RNF152: variants seen among roughly 807,000 people sequenced by gnomAD.
RNF152 encodes the protein E3 ubiquitin-protein ligase RNF152.
A neutral mutation model predicts 12.7 loss-of-function variants in RNF152; 11 were observed. The ratio of observed to expected loss-of-function variants is 0.86; its 90% CI spans 0.54 to 1.43. The LOEUF (loss-of-function observed/expected upper bound fraction) is 1.43, where lower values mean the gene tolerates loss of function less well. Ranked by LOEUF, RNF152 falls within the 40% of genes most tolerant of loss-of-function variation. RNF152 has a pLI of 0.00. For missense variants in RNF152, 255 were observed against 274.8 expected (o/e 0.93, Z 0.51); for synonymous variants, 113 against 120.3 (o/e 0.94, Z 0.40).
chr18:61,876,043 CTACTCCCA>C (rs1599319973), intron 1 of RNF152, among the ~76,000 whole-genome samples: 1 of 152,270 alleles, frequency 6.6e-6, no homozygotes, highest in Admixed American at 6.5e-5. Context: ...CATACTATTC[CTACTCCCA>C]TACTCCCATA....
intron 1 of RNF152, among the ~76,000 whole-genome samples, chr18:61,880,424 G>C (rs1912409265): frequency 6.6e-6 from 1 of 152,162 alleles, no homozygotes; most frequent in Non-Finnish European, 1.5e-5. Context: ...AAGCCAGACT[G>C]CCCAGGGTCA....
chr18:61,847,089 C>A (rs1910773620), intron 1 of RNF152, among the ~76,000 whole-genome samples: 1 of 152,006 alleles, frequency 6.6e-6, no homozygotes, highest in Non-Finnish European at 1.5e-5. Flanking sequence ...CACCGGTACT[C>A]CTCCCCCATA....
chr18:61,833,555 GAC>G (rs751608864), intron 1 of RNF152, among the ~76,000 whole-genome samples: 3 of 152,120 alleles, frequency 2.0e-5, no homozygotes, highest in Non-Finnish European at 4.4e-5. Flanking sequence ...CAGAACCACA[GAC>G]ACACACAAAC....
chr18:61,823,162 G>C (rs533321285), intron 1 of RNF152, among the ~76,000 whole-genome samples: 1 of 152,212 alleles, frequency 6.6e-6, no homozygotes, highest in Non-Finnish European at 1.5e-5. Context: ...TGTTTTAATG[G>C]AGCAGGACTT....
At chr18:61,885,451 G>A (rs1239249369) in intron 1 of RNF152, among the ~76,000 whole-genome samples, 1 of 152,032 alleles carries the variant, frequency 6.6e-6, no homozygotes, top group Non-Finnish European at 1.5e-5. Context: ...GGGATTACAG[G>A]TGCACACCAT....
rs1599249873 is a variant in RNF152 at position 61,810,021 on chromosome 18, G to A, written c.*5831C>T. On this transcript the variant is annotated 3_prime_UTR_variant, in exon 2 of 2. Transcript: ENST00000312828. Reference sequence around the variant, plus strand: ...TTGGAAGAAATTAAATGCCCCACCTGCTTAAGTTCTTCAATGATTAATGGC... The same window carrying A: ...TTGGAAGAAATTAAATGCCCCACCTACTTAAGTTCTTCAATGATTAATGGC... 2 of 152,256 alleles carry A rather than the reference G, an allele frequency of 1.3e-5. No individual in the cohort carries two copies. The highest frequency in any genetic ancestry group is 3.9e-4 in the East Asian group (2 of 5,186). The allele number at this position is 152,256 out of a possible 1,614,324, so 9.4% of individuals were successfully genotyped here.
intron 1 of RNF152, among the ~76,000 whole-genome samples, chr18:61,848,665 C>A (rs1428025027): frequency 6.6e-6 from 1 of 152,214 alleles, no homozygotes; most frequent in Non-Finnish European, 1.5e-5. Flanking sequence ...CTGTGGAAAG[C>A]CCCTACTGAC....
chr18:61,857,160 C>A (rs113345113), intron 1 of RNF152, among the ~76,000 whole-genome samples: 3 of 152,130 alleles, frequency 2.0e-5, no homozygotes, highest in Non-Finnish European at 4.4e-5. Flanking sequence ...TTGCATTATA[C>A]GTCAGGGTTC....
At chr18:61,837,845 T>TCA (rs1910258983) in intron 1 of RNF152, among the ~76,000 whole-genome samples, 1 of 152,240 alleles carries the variant, frequency 6.6e-6, no homozygotes, top group Non-Finnish European at 1.5e-5. Flanking sequence ...AGTTCCTGGC[T>TCA]CACAGCAGCC....
chr18:61,876,510 T>C (rs555117764), intron 1 of RNF152, among the ~76,000 whole-genome samples: 4 of 152,296 alleles, frequency 2.6e-5, no homozygotes, highest in African/African-American at 9.6e-5. Context: ...TATACAGATG[T>C]TAGTCGAAGT....
intron 1 of RNF152, among the ~76,000 whole-genome samples, chr18:61,870,408 T>C (rs1345731164): frequency 6.6e-6 from 1 of 152,210 alleles, no homozygotes; most frequent in African/African-American, 2.4e-5. Flanking sequence ...TACTCTGGGC[T>C]GTCCCCTGCT....
chr18:61,815,780 T>A lies in RNF152; in HGVS notation c.*72A>T. On this transcript the variant is annotated 3_prime_UTR_variant, in exon 2 of 2. Transcript: ENST00000312828. ...ATGGTCAGTGTTGCCCCCCATCTTC[T>A]CACTGGGATCTCATCATCAACCTGC... 2 of 1,536,346 alleles carry A rather than the reference T, an allele frequency of 1.3e-6. No homozygotes were observed. Among genetic ancestry groups the A allele is most frequent in the Non-Finnish European group, 1.8e-6 (2 of 1,126,168 alleles).
chr18:61,879,728 C>T (rs1457334737), intron 1 of RNF152, among the ~76,000 whole-genome samples: 2 of 152,098 alleles, frequency 1.3e-5, no homozygotes, highest in African/African-American at 2.4e-5. Context: ...CTTTGGGAGG[C>T]TGAGGCAGGC....
chr18:61,869,157 A>C (rs1416031487), intron 1 of RNF152, among the ~76,000 whole-genome samples: 4 of 152,216 alleles, frequency 2.6e-5, no homozygotes, highest in African/African-American at 9.6e-5. Context: ...AGGAAAGCCC[A>C]GTCTTAATCA....
At chr18:61,848,473 G>T (rs1599292815) in intron 1 of RNF152, among the ~76,000 whole-genome samples, 1 of 152,112 alleles carries the variant, frequency 6.6e-6, no homozygotes, top group East Asian at 1.9e-4. Context: ...GATAAAACCA[G>T]AAGTCAGTAA....
In RNF152 at chr18:61,811,320, A is replaced by G. The variant is rs1912971217; in HGVS notation, c.*4532T>C. ...AGAATCTGGTCTTTATAGGAAATATATCTCAAACTGAATTTTCTGCTTCCT... is the reference window on the plus strand; with the variant it reads ...AGAATCTGGTCTTTATAGGAAATATGTCTCAAACTGAATTTTCTGCTTCCT... On this transcript the variant is annotated 3_prime_UTR_variant, in exon 2 of 2. Coordinates refer to ENST00000312828, the MANE Select transcript of RNF152 (RefSeq NM_173557.3). 1 of 152,196 alleles carries G rather than the reference A, an allele frequency of 6.6e-6. No homozygotes were observed. Among genetic ancestry groups the G allele is most frequent in the African/African-American group, 2.4e-5 (1 of 41,464 alleles). The allele number at this position is 152,196 out of a possible 1,614,324, so 9.4% of individuals were successfully genotyped here. A position where few individuals can be genotyped will look rare whatever the true frequency, so the allele number is the denominator to read the frequency against.
At chr18:61,821,055 G>A (rs1488685359) in intron 1 of RNF152, among the ~76,000 whole-genome samples, 1 of 152,198 alleles carries the variant, frequency 6.6e-6, no homozygotes, top group Non-Finnish European at 1.5e-5. Context: ...CTAGTGCTCT[G>A]CACTGAGGCA....
At chr18:61,861,214 T>C (rs1852570915) in intron 1 of RNF152, among the ~76,000 whole-genome samples, 1 of 152,238 alleles carries the variant, frequency 6.6e-6, no homozygotes, top group African/African-American at 2.4e-5. Flanking sequence ...ACTCACATCC[T>C]GAATCACTCA....
chr18:61,854,809 C>T (rs1023204823), intron 1 of RNF152, among the ~76,000 whole-genome samples: 1 of 152,152 alleles, frequency 6.6e-6, no homozygotes, highest in Non-Finnish European at 1.5e-5. Context: ...AAGCTCGCTG[C>T]CAAGCTTATA....
Sources: allele counts gnomAD v4.1 joint callset (sites outside exome capture counted in the v4.1 genomes callset), GRCh38; gene constraint gnomAD v4.1.1; transcripts MANE v1.5; gene names NCBI Gene and HGNC (gene_info 2026-07-23, HGNC 2026-07-21).